THNSL1: variants seen among roughly 807,000 people sequenced by gnomAD.
THNSL1 encodes the protein threonine synthase like 1.
In THNSL1, 48 loss-of-function variants were observed where a neutral mutation model predicts 50.4. That is an observed-to-expected ratio of 0.95 (90% CI 0.76 to 1.21). The LOEUF is 1.21. Among genes scored for constraint, THNSL1 ranks in the 50% most tolerant of loss-of-function variants. THNSL1 has a pLI of 0.00. For synonymous variants in THNSL1, 309 were observed against 306.1 expected (o/e 1.01, Z -0.10); for missense variants, 896 against 871.7 (o/e 1.03, Z -0.35).
intron 2 of THNSL1, 139 bp from the exon 3 acceptor site, chr10:25,023,037 C>A: frequency 1.0e-5 from 5 of 496,636 alleles, no homozygotes; most frequent in East Asian, 3.3e-5. Context: ...TTTTTAATTC[C>A]ATAAGTTTGG....
chr10:24,976,663 G>T, the THNSL1 span, among the ~76,000 whole-genome samples: 2 of 151,686 alleles, frequency 1.3e-5, no homozygotes, highest in African/African-American at 4.8e-5. Flanking sequence ...CTAATTTTTT[G>T]TGTGTTTTTA....
the THNSL1 span, among the ~76,000 whole-genome samples, chr10:24,997,820 T>G: frequency 2.0e-5 from 3 of 149,206 alleles, no homozygotes; most frequent in African/African-American, 7.7e-5. Flanking sequence ...TATATATATA[T>G]ATATATGTTT....
At position 25,023,968 on chromosome 10, in the gene THNSL1, A is replaced by C. The variant is rs1850781408; in HGVS notation, c.745A>C (p.Lys249Gln). 1 of 1,614,072 alleles carries C rather than the reference A, an allele frequency of 6.2e-7. No homozygotes were observed. Among genetic ancestry groups the C allele is most frequent in the Admixed American group, 1.7e-5 (1 of 60,000 alleles). Residue 249 changes from lysine to glutamine, a missense_variant, in exon 3 of 3, where the codon AAA becomes CAA. Coordinates refer to ENST00000376356, the MANE Select transcript of THNSL1 (RefSeq NM_024838.5). ...AGACTGTGAACAGAAGGTTTCAGCA[A>C]AATTCTTTAGTGAAGCTGTAATTGA... ...PEDCEQKVSAKFFSEAVIEGL... is the reference protein window; with the variant it reads ...PEDCEQKVSAQFFSEAVIEGL...
chr10:24,993,250 G>A, the THNSL1 span, among the ~76,000 whole-genome samples: 71 of 152,234 alleles, frequency 4.7e-4, no homozygotes, highest in South Asian at 1.0e-3. Context: ...CTGAATCACC[G>A]GAGGCTAATG....
At chr10:24,952,611 C>A in the THNSL1 span, 4 of 1,301,984 alleles carry the variant, frequency 3.1e-6, no homozygotes, top group Non-Finnish European at 3.0e-6. This position sits in a 1 kb window ranked among gnomAD's most constrained non-coding sequence, Gnocchi z 5.1. Flanking sequence ...GAAGACGGCG[C>A]GGGAAGGAGC....
At chr10:25,006,627 T>C in the THNSL1 span, among the ~76,000 whole-genome samples, 1 of 152,194 alleles carries the variant, frequency 6.6e-6, no homozygotes, top group African/African-American at 2.4e-5. Context: ...CCATTTGCTT[T>C]GATAGCCTCA....
At chr10:24,979,162 A>G in the THNSL1 span, among the ~76,000 whole-genome samples, 1 of 152,242 alleles carries the variant, frequency 6.6e-6, no homozygotes, top group Non-Finnish European at 1.5e-5. Context: ...GTTCACCAGC[A>G]TTGGCTTCCT....
chr10:24,990,269 T>C, the THNSL1 span, among the ~76,000 whole-genome samples: 1 of 152,230 alleles, frequency 6.6e-6, no homozygotes, highest in South Asian at 2.1e-4. Context: ...TATTATTAAA[T>C]GAATCCCTAT....
At chr10:24,990,443 G>A in the THNSL1 span, 3 of 1,598,650 alleles carry the variant, frequency 1.9e-6, no homozygotes, top group African/African-American at 4.1e-5. Context: ...ACAGATGAAT[G>A]TAAATGGCAG....
chr10:24,984,577 T>G, the THNSL1 span: 2 of 1,007,264 alleles, frequency 2.0e-6, no homozygotes, highest in South Asian at 3.7e-5. Context: ...TGTAAGTGAA[T>G]AACTCAATTA....
At chr10:25,018,315 C>CA (rs1279698144) in intron 1 of THNSL1, among the ~76,000 whole-genome samples, 5 of 152,092 alleles carry the variant, frequency 3.3e-5, no homozygotes, top group Admixed American at 3.3e-4. Flanking sequence ...AATGACACTT[C>CA]AAAAAAATGC....
rs1442300344 is a variant in THNSL1 at position 25,024,085 on chromosome 10, T to C, written c.862T>C (p.Tyr288His). 6.2e-7 allele frequency: 1 copy of C among 1,614,172 alleles called. No homozygotes were observed. The highest frequency in any genetic ancestry group is 2.2e-5 in the East Asian group (1 of 44,870). Residue 288 changes from tyrosine (Y) to histidine (H), a missense_variant, in exon 3 of 3, where the codon TAC becomes CAC. Tyr to His is a moderately conservative substitution (Grantham distance 83, BLOSUM62 2). Transcript: ENST00000376356. ...GEWKSLVGAT[Y>H]VERAQILLER... ...GTGGAAAAGCCTAGTAGGAGCAACCTACGTAGAAAGAGCACAGATACTGTT... is the reference window on the plus strand; with the variant it reads ...GTGGAAAAGCCTAGTAGGAGCAACCCACGTAGAAAGAGCACAGATACTGTT...
chr10:24,988,744 G>A, the THNSL1 span, among the ~76,000 whole-genome samples: 1 of 139,734 alleles, frequency 7.2e-6, no homozygotes, highest in Admixed American at 7.6e-5. Context: ...TTTTAAAAAT[G>A]AGAAGTTTGG....
the THNSL1 span, chr10:24,982,479 C>A: frequency 6.6e-6 from 1 of 152,222 alleles, no homozygotes; most frequent in South Asian, 2.1e-4. Context: ...GAAGAGAAAC[C>A]AAGTCAAACT....
the THNSL1 span, among the ~76,000 whole-genome samples, chr10:24,991,572 T>C: frequency 6.6e-6 from 1 of 152,076 alleles, no homozygotes; most frequent in Non-Finnish European, 1.5e-5. Context: ...AACGCAGAGT[T>C]TGGCCGGGGT....
chr10:24,960,329 G>C, the THNSL1 span, among the ~76,000 whole-genome samples: 1 of 152,172 alleles, frequency 6.6e-6, no homozygotes, highest in African/African-American at 2.4e-5. Flanking sequence ...AACTCTCCCA[G>C]TGGGAATCTA....
the THNSL1 span, among the ~76,000 whole-genome samples, chr10:24,972,271 G>A: frequency 6.6e-6 from 1 of 151,484 alleles, no homozygotes; most frequent in Non-Finnish European, 1.5e-5. Context: ...ACTTTGGGAG[G>A]TTGAGGCAGG....
chr10:24,984,582 C>T, the THNSL1 span: 1 of 1,013,136 alleles, frequency 9.9e-7, no homozygotes, highest in Non-Finnish European at 1.4e-6. Flanking sequence ...GTGAATAACT[C>T]AATTATTCTT....
chr10:24,993,322 A>AT, the THNSL1 span, among the ~76,000 whole-genome samples: 15 of 152,232 alleles, frequency 9.9e-5, no homozygotes, highest in Non-Finnish European at 2.1e-4. Flanking sequence ...ATTAGGTGTC[A>AT]CATTTTGTGT....
Sources: gnomAD v4.1 joint callset for allele counts (sites outside exome capture counted in the v4.1 genomes callset) on GRCh38, gnomAD v4.1.1 for gene constraint, Gnocchi (gnomAD v3.1) non-coding constraint, MANE v1.5 for transcripts, NCBI Gene and HGNC (gene_info 2026-07-23, HGNC 2026-07-21) for gene names.